The following SPIDR variants were observed in gnomAD, a reference collection of about 807,000 sequenced individuals.
SPIDR encodes scaffold protein involved in DNA repair.
In SPIDR, 93 loss-of-function variants were observed where a neutral mutation model predicts 104.6. The ratio of observed to expected loss-of-function variants is 0.89; its 90% CI spans 0.75 to 1.06. The LOEUF is 1.06. Ranked by LOEUF, SPIDR falls within the 50% of genes least tolerant of loss-of-function variation. SPIDR has a pLI of 0.00. For synonymous variants in SPIDR, 431 were observed against 416.9 expected, an observed-to-expected ratio of 1.03 and a Z score of -0.41; for missense variants, 1,154 against 1,111.2, an observed-to-expected ratio of 1.04 and a Z score of -0.55.
At chr8:47,280,062 A>T in intron 2 of SPIDR, 45 bp downstream of exon 2, 1 of 1,590,146 alleles carries the variant, frequency 6.3e-7, no homozygotes, top group African/African-American at 1.3e-5. Context: ...CAAAGAGGAA[A>T]TCCTGAGTGT....
chr8:47,339,254 A>G (rs537479450), intron 5 of SPIDR, among the ~76,000 whole-genome samples: 4 of 152,294 alleles, frequency 2.6e-5, no homozygotes, highest in Non-Finnish European at 2.9e-5. Context: ...TTGTGCTTTG[A>G]TAAGATTGCC....
chr8:47,516,196 G>A (rs1030287373), intron 8 of SPIDR, among the ~76,000 whole-genome samples: 3 of 152,050 alleles, frequency 2.0e-5, no homozygotes, highest in African/African-American at 4.8e-5. Context: ...TCTTTGGCTC[G>A]GCCTCCCAAA....
chr8:47,589,920 C>T (rs2060785137), intron 8 of SPIDR, among the ~76,000 whole-genome samples: 1 of 152,090 alleles, frequency 6.6e-6, no homozygotes, highest in African/African-American at 2.4e-5. Flanking sequence ...GTAATCCCAG[C>T]ACTTTGAGAG....
intron 8 of SPIDR, among the ~76,000 whole-genome samples, chr8:47,494,882 T>G (rs759634189): frequency 2.1e-4 from 32 of 152,186 alleles, no homozygotes; most frequent in Non-Finnish European, 4.0e-4. Flanking sequence ...TATGAAAAAT[T>G]TATGCATCTT....
At chr8:47,330,628 G>A (rs2048496507) in intron 5 of SPIDR, among the ~76,000 whole-genome samples, 1 of 152,044 alleles carries the variant, frequency 6.6e-6, no homozygotes. Context: ...TTTTTGGAGT[G>A]CCTTCTTTCA....
chr8:47,422,763 G>A (rs1554681986), intron 7 of SPIDR, among the ~76,000 whole-genome samples: 1 of 152,190 alleles, frequency 6.6e-6, no homozygotes, highest in Non-Finnish European at 1.5e-5. Flanking sequence ...CCCCTCTGCA[G>A]TGAATTCTAA....
intron 5 of SPIDR, among the ~76,000 whole-genome samples, chr8:47,335,678 T>G (rs1554608387): frequency 6.6e-6 from 1 of 152,218 alleles, no homozygotes; most frequent in African/African-American, 2.4e-5. Context: ...CTTGAACTCC[T>G]GGCCTCAAGT....
intron 10 of SPIDR, among the ~76,000 whole-genome samples, chr8:47,630,024 T>C (rs2066812977): frequency 6.6e-6 from 1 of 152,264 alleles, no homozygotes; most frequent in Non-Finnish European, 1.5e-5. Flanking sequence ...ATTACAGTGC[T>C]GAATGTATTC....
intron 5 of SPIDR, among the ~76,000 whole-genome samples, chr8:47,382,955 T>G (rs1171592224): frequency 1.3e-5 from 2 of 152,184 alleles, no homozygotes; most frequent in Non-Finnish European, 2.9e-5. Context: ...ATTGTCAAAA[T>G]AAAGAATCCC....
At chr8:47,664,571 AG>A (rs2074622391) in intron 10 of SPIDR, among the ~76,000 whole-genome samples, 1 of 152,092 alleles carries the variant, frequency 6.6e-6, no homozygotes, top group Admixed American at 6.6e-5. Context: ...AGGGCTCAAT[AG>A]TAGGTTTGAG....
At chr8:47,442,959 A>G (rs1409700375) in intron 8 of SPIDR, among the ~76,000 whole-genome samples, 3 of 152,108 alleles carry the variant, frequency 2.0e-5, no homozygotes, top group African/African-American at 7.2e-5. Context: ...CATTTATTAA[A>G]TGACCTTGTT....
rs1288297345 is a variant in SPIDR at position 47,299,118 on chromosome 8, C to G, written c.525+5088C>G. Among the ~76,000 whole-genome samples the G allele has an allele frequency of 2.0e-5, 3 of 152,156 alleles. No homozygotes were observed. In the East Asian group the frequency reaches 5.8e-4, roughly 29 times the overall value. The stretch of plus-strand genomic sequence containing the variant: ...ATGTTCTTCCATTTGTTTGTATCCT[C>G]TTTTATTTCATTGAGCAGTGGTTTG... On this transcript the variant is annotated intron_variant, in intron 5 of 19. Transcript: ENST00000297423.
At chr8:47,589,818 A>G (rs556860034) in intron 8 of SPIDR, among the ~76,000 whole-genome samples, 1 of 151,854 alleles carries the variant, frequency 6.6e-6, no homozygotes, top group Non-Finnish European at 1.5e-5. Flanking sequence ...AAATAACTCT[A>G]TTGCATTGTT....
At chr8:47,581,715 A>G (rs185313039) in intron 8 of SPIDR, among the ~76,000 whole-genome samples, 18 of 152,324 alleles carry the variant, frequency 1.2e-4, no homozygotes, top group African/African-American at 4.3e-4. Flanking sequence ...TTCTCAATCT[A>G]TCCCCCTTTA....
At position 47,400,107 on chromosome 8, in the gene SPIDR, T is replaced by A. The variant is rs139893619; in HGVS notation, c.776+3481T>A. On this transcript the variant is annotated intron_variant, in intron 6 of 19. Transcript: ENST00000297423. ...CTTCCCTGGCATTGGGCAGGCTGAG[T>A]TGGAGCTGGAACGTAAGGGAGGCTA... 7.1e-3 allele frequency among the ~76,000 whole-genome samples: 1,077 copies of A among 152,038 alleles called. 9 individuals carry two copies. Among genetic ancestry groups the A allele is most frequent in the Middle Eastern group, 0.014 (4 of 294 alleles).
intron 7 of SPIDR, among the ~76,000 whole-genome samples, chr8:47,439,396 C>A (rs1178990836): frequency 1.3e-5 from 2 of 152,108 alleles, no homozygotes; most frequent in African/African-American, 4.8e-5. Context: ...TCCTGTTTAT[C>A]CCCTTTCATT....
chr8:47,545,015 G>A (rs1238573243), intron 8 of SPIDR, among the ~76,000 whole-genome samples: 1 of 151,148 alleles, frequency 6.6e-6, no homozygotes, highest in Non-Finnish European at 1.5e-5. Context: ...TGTAGCTTTA[G>A]CATACAGCTC....
intron 8 of SPIDR, among the ~76,000 whole-genome samples, chr8:47,455,042 AAAAAT>A (rs2072681681): frequency 6.6e-6 from 1 of 152,200 alleles, no homozygotes. Context: ...GCCAAAAGAA[AAAAAT>A]AAAGAGTATT....
intron 8 of SPIDR, chr8:47,527,936 G>A (rs960205152): frequency 6.6e-6 from 1 of 152,126 alleles, no homozygotes; most frequent in Non-Finnish European, 1.5e-5. Flanking sequence ...GAGATGGTGT[G>A]TCTTGATTGA....
Sources: gnomAD v4.1 joint callset for allele counts (sites outside exome capture counted in the v4.1 genomes callset) on GRCh38, gnomAD v4.1.1 for gene constraint, MANE v1.5 for transcripts, NCBI Gene and HGNC (gene_info 2026-07-23, HGNC 2026-07-21) for gene names.